CDH23: variants seen among roughly 807,000 people sequenced by gnomAD.
The protein encoded by CDH23 is cadherin-23.
A neutral mutation model predicts 317.1 loss-of-function variants in CDH23; 189 were observed. The observed-to-expected ratio is 0.60, with a 90% confidence interval of 0.53 to 0.67. The LOEUF (loss-of-function observed/expected upper bound fraction) is 0.67. Among genes scored for constraint, CDH23 ranks in the 30% least tolerant of loss-of-function variants. The pLI, the probability that CDH23 is intolerant of heterozygous loss-of-function variation, is 0.00. For synonymous variants in CDH23, 1,839 were observed against 1,876.8 expected (o/e 0.98, Z 0.52); for missense variants, 4,401 against 4,592.4 (o/e 0.96, Z 1.20).
chr10:71,716,662 A>C (rs1866258911), intron 28 of CDH23: 1 of 255,996 alleles, frequency 3.9e-6, no homozygotes, highest in Non-Finnish European at 7.4e-6. Context: ...ACAGGGTCTT[A>C]GGCCTGGAAA....
chr10:71,708,347 A>T (rs908241243), intron 26 of CDH23, among the ~76,000 whole-genome samples: 3 of 152,174 alleles, frequency 2.0e-5, no homozygotes, highest in African/African-American at 7.2e-5. Context: ...AGCTGAGCCC[A>T]GTCCTGCCCA....
intron 3 of CDH23, among the ~76,000 whole-genome samples, chr10:71,478,835 C>T (rs559061272): frequency 5.6e-4 from 86 of 152,220 alleles, no homozygotes; most frequent in Non-Finnish European, 9.8e-4. Context: ...TTCATATTTT[C>T]TTAGAGCCCC....
At chr10:71,746,361 G>T (rs1839852758) in intron 38 of CDH23, among the ~76,000 whole-genome samples, 1 of 152,218 alleles carries the variant, frequency 6.6e-6, no homozygotes, top group African/African-American at 2.4e-5. Context: ...GTCCCCCCAG[G>T]TTCCTGAGAG....
At chr10:71,700,444 G>A (rs1364111363) in intron 22 of CDH23, among the ~76,000 whole-genome samples, 1 of 152,228 alleles carries the variant, frequency 6.6e-6, no homozygotes, top group African/African-American at 2.4e-5. Flanking sequence ...AGAAACACAA[G>A]GAATGCTGGT....
chr10:71,663,598 G>C (rs1564717881), intron 14 of CDH23, among the ~76,000 whole-genome samples: 2 of 152,186 alleles, frequency 1.3e-5, no homozygotes, highest in Non-Finnish European at 2.9e-5. Flanking sequence ...GTGACTTCAG[G>C]CATGTTGCTT....
chr10:71,439,368 C>T (rs1849764519), intron 1 of CDH23, among the ~76,000 whole-genome samples: 1 of 152,188 alleles, frequency 6.6e-6, no homozygotes, highest in South Asian at 2.1e-4. Context: ...ACTTGCCAAG[C>T]CCCCTGTTAG....
intron 9 of CDH23, among the ~76,000 whole-genome samples, chr10:71,592,051 A>G (rs1859528832): frequency 6.6e-6 from 1 of 152,084 alleles, no homozygotes; most frequent in Non-Finnish European, 1.5e-5. Context: ...AAAGATGAAG[A>G]TGAACAGACT....
In CDH23 at chr10:71,617,231, C is replaced by T. The variant is rs1861235960; in HGVS notation, c.972C>T (p.Thr324=). The T allele has an allele frequency of 6.2e-7, 1 of 1,613,812 alleles. No homozygotes were observed. The highest frequency in any genetic ancestry group is 1.7e-5 in the Admixed American group (1 of 59,998). The change falls in exon 11 of 70, where the codon ACC becomes ACT. Residue 324 remains threonine (T), a synonymous_variant. Transcript: ENST00000224721. Reference sequence around the variant, plus strand: ...GCACGGAGCTGAACGATGACCGCACCCCATCTGACGCTACAGTCACCACGA... The same window carrying T: ...GCACGGAGCTGAACGATGACCGCACTCCATCTGACGCTACAGTCACCACGA... ...VKGTELNDDR[T]PSDATVTTTF... is the part of the protein sequence containing the mutation.
At chr10:71,778,971 C>G (rs1355133738) in intron 40 of CDH23, among the ~76,000 whole-genome samples, 1 of 152,098 alleles carries the variant, frequency 6.6e-6, no homozygotes, top group Non-Finnish European at 1.5e-5. Flanking sequence ...TGCTATATTG[C>G]CCAGGCTGGC....
chr10:71,438,347 C>CAAAAAAAAAAAAAAAGAAAAAAAAA (rs1849713580), intron 1 of CDH23, among the ~76,000 whole-genome samples: 4 of 98,360 alleles, frequency 4.1e-5, no homozygotes, highest in Admixed American at 1.1e-4. Flanking sequence ...CTGTCTCAAA[C>CAAAAAAAAAAAAAAAGAAAAAAAAA]AAAAAAAAAA....
chr10:71,600,931 G>A (rs1860179879), intron 9 of CDH23, among the ~76,000 whole-genome samples: 1 of 152,146 alleles, frequency 6.6e-6, no homozygotes, highest in Non-Finnish European at 1.5e-5. Flanking sequence ...GGACAAATTT[G>A]CCATCTTTTC....
rs374142128 is a variant in CDH23, at chr10:71,800,728, C to T, written c.7455C>T (p.Ala2485=). The change falls in exon 53 of 70, where the codon GCC becomes GCT. Residue 2485 remains alanine, a synonymous_variant. Transcript: ENST00000224721. The part of the protein sequence containing the change: ...ALAKDNPGDV[A]SNRRENSVQV... ...CCAAAGACAACCCTGGGGATGTAGC[C>T]AGCAACCGTCGCGAAAATTCAGTGC... 3.7e-6 allele frequency: 6 copies of T among 1,613,926 alleles called. No individual in the cohort carries two copies. The African/African-American group carries it at 8.0e-5, about 22-fold the overall frequency.
intron 9 of CDH23, among the ~76,000 whole-genome samples, chr10:71,581,124 G>A (rs780490967): frequency 2.0e-5 from 3 of 152,230 alleles, no homozygotes; most frequent in Non-Finnish European, 2.9e-5. Flanking sequence ...GCCAGTGCCT[G>A]TTTATTGGAA....
At chr10:71,654,345 A>G (rs10823813) in intron 14 of CDH23, among the ~76,000 whole-genome samples, 55,359 of 152,036 alleles carry the variant, frequency 0.36, 10,245 homozygotes, top group South Asian at 0.51. Flanking sequence ...TCTCTGCCCA[A>G]ATAAACTCAG....
At chr10:71,714,908 T>C (rs1047100202) in intron 28 of CDH23, 2 of 152,164 alleles carry the variant, frequency 1.3e-5, no homozygotes, top group African/African-American at 4.8e-5. Context: ...TGTTTAACCC[T>C]CGCGTTGTGA....
At chr10:71,711,454 T>C (rs576180558) in intron 27 of CDH23, among the ~76,000 whole-genome samples, 1 of 152,230 alleles carries the variant, frequency 6.6e-6, no homozygotes, top group East Asian at 1.9e-4. Flanking sequence ...GGGTGACCAC[T>C]CTTGCCTGGA....
chr10:71,620,821 GC>G (rs1251600634), intron 11 of CDH23, among the ~76,000 whole-genome samples: 2 of 152,222 alleles, frequency 1.3e-5, no homozygotes, highest in Admixed American at 1.3e-4. Flanking sequence ...AGATGGGGCG[GC>G]CCCCAAACCA....
intron 14 of CDH23, among the ~76,000 whole-genome samples, chr10:71,668,516 T>C (rs567247881): frequency 6.6e-6 from 1 of 152,360 alleles, no homozygotes; most frequent in East Asian, 1.9e-4. Context: ...GCGCTGTGAC[T>C]GTTTCACCCT....
intron 49 of CDH23, 117 bp downstream of exon 49, chr10:71,797,337 TG>T: frequency 1.4e-6 from 1 of 694,116 alleles, no homozygotes; most frequent in Non-Finnish European, 2.5e-6. Flanking sequence ...CCAGTTGCTC[TG>T]GGGGCCAGGA....
Sources: gnomAD v4.1 joint callset for allele counts (sites outside exome capture counted in the v4.1 genomes callset) on GRCh38, gnomAD v4.1.1 for gene constraint, MANE v1.5 for transcripts, NCBI Gene and HGNC (gene_info 2026-07-23, HGNC 2026-07-21) for gene names.